WFS1: variants seen among roughly 807,000 people sequenced by gnomAD.
The protein encoded by WFS1 is wolframin.
In WFS1, 90 loss-of-function variants were observed where a neutral mutation model predicts 68.5. The ratio of observed to expected loss-of-function variants is 1.31; its 90% CI spans 1.11 to 1.56. The LOEUF is 1.56. Ranked by LOEUF, WFS1 falls within the 40% of genes most tolerant of loss-of-function variation. The probability of loss-of-function intolerance (pLI) is 0.00; values close to 1 mark genes in which losing one functional copy is unlikely to be tolerated. For missense variants in WFS1, 1,767 were observed against 1,232.6 expected (o/e 1.43, Z -6.49); for synonymous variants, 860 against 540.7 (o/e 1.59, Z -8.19).
chr4:6,302,129 C>A lies in WFS1; in HGVS notation c.2334C>A (p.Thr778=). ...KKFDRYKFEI[T]VGMPFSSGAD... ...TCGACCGCTACAAGTTTGAGATTAC[C>A]GTGGGCATGCCATTCAGCAGCGGCG... Residue 778 remains threonine, a synonymous_variant, in exon 8 of 8, where the codon ACC becomes ACA. Coordinates refer to ENST00000226760, the MANE Select transcript of WFS1 (RefSeq NM_006005.3). The A allele has an allele frequency of 6.2e-7, 1 of 1,612,970 alleles. No individual in the cohort carries two copies. Among genetic ancestry groups the A allele is most frequent in the Non-Finnish European group, 8.5e-7 (1 of 1,180,020 alleles).
At chr4:6,276,386 C>T (rs1211610267) in intron 1 of WFS1, among the ~76,000 whole-genome samples, 1 of 152,176 alleles carries the variant, frequency 6.6e-6, no homozygotes, top group Non-Finnish European at 1.5e-5. Flanking sequence ...TAAAATAAAG[C>T]CCTTGCTCCG....
At position 6,287,039 on chromosome 4, in the gene WFS1, C is replaced by G; in HGVS notation, c.233-54C>G. 6.7e-7 allele frequency: 1 copy of G among 1,497,242 alleles called. No individual in the cohort carries two copies. Among genetic ancestry groups the G allele is most frequent in the Non-Finnish European group, 9.1e-7 (1 of 1,097,478 alleles). The allele number at this position is 1,497,242 out of a possible 1,614,324, so 92.7% of individuals were successfully genotyped here. ...TCATGCCTTGTCCCCTCCATCCTGA[C>G]AAGTGACAAAGTCTGGCTTTGTGAC... is the stretch of plus-strand genomic sequence containing the variant. On this transcript the variant is annotated intron_variant, in intron 2 of 7. Coordinates refer to ENST00000226760, the MANE Select transcript of WFS1 (RefSeq NM_006005.3). The surrounding 1 kb of genome is among the most constrained non-coding windows in gnomAD (Gnocchi z 6.4).
chr4:6,279,307 C>T (rs762765801), intron 2 of WFS1, among the ~76,000 whole-genome samples: 3 of 152,216 alleles, frequency 2.0e-5, no homozygotes, highest in Non-Finnish European at 4.4e-5. Context: ...GACACTTCCC[C>T]GAGCTAGGCA....
chr4:6,287,318 G>GC lies in WFS1; in HGVS notation c.315+147dup. The GC allele has an allele frequency of 1.3e-6, 1 of 740,742 alleles. No individual in the cohort carries two copies. Among genetic ancestry groups the GC allele is most frequent in the Non-Finnish European group, 2.4e-6 (1 of 425,150 alleles). The allele number at this position is 740,742 out of a possible 1,614,324, so 45.9% of individuals were successfully genotyped here. ...GCGTGGTGCACCCTACCCCACTTGA[G>GC]CCCCATGTTGGTAGGGTGCCCATGT... On this transcript the variant is annotated intron_variant, in intron 3 of 7. Coordinates refer to ENST00000226760, the MANE Select transcript of WFS1 (RefSeq NM_006005.3). The surrounding 1 kb of genome is among the most constrained non-coding windows in gnomAD (Gnocchi z 6.4).
chr4:6,298,558 G>A (rs764631100), intron 7 of WFS1, among the ~76,000 whole-genome samples: 1 of 152,252 alleles, frequency 6.6e-6, no homozygotes, highest in Non-Finnish European at 1.5e-5. Flanking sequence ...TCCCCCACGT[G>A]TAGACGTGCA....
chr4:6,290,826 A>G (rs891836075), intron 4 of WFS1, among the ~76,000 whole-genome samples: 2 of 152,172 alleles, frequency 1.3e-5, no homozygotes, highest in Non-Finnish European at 2.9e-5. Context: ...CAGTGAGTCC[A>G]CCCTGGGTTC....
chr4:6,282,550 C>T (rs546672142), intron 2 of WFS1, among the ~76,000 whole-genome samples: 1 of 152,318 alleles, frequency 6.6e-6, no homozygotes, highest in Non-Finnish European at 1.5e-5. Context: ...TGCCTAAGAT[C>T]GCACTCTTAA....
Position 6,301,076 on chromosome 4 carries a change from C to G in WFS1, c.1281C>G (p.Ile427Met), listed in dbSNP as rs753055225. 1 of 1,614,146 alleles carries G rather than the reference C, an allele frequency of 6.2e-7. No homozygotes were observed. Among genetic ancestry groups the G allele is most frequent in the East Asian group, 2.2e-5 (1 of 44,876 alleles). ...TCCCCATCGCCAGCAAGGACTGCAT[C>G]CCCTGCTCGGAGCTGGCTGTCATCA... ...FSFPIASKDC[I>M]PCSELAVITG... The change falls in exon 8 of 8, where the codon ATC becomes ATG. Residue 427 changes from isoleucine to methionine, a missense_variant. Physicochemically the swap from Ile to Met is conservative, Grantham distance 10. Coordinates refer to ENST00000226760, the MANE Select transcript of WFS1 (RefSeq NM_006005.3).
chr4:6,302,128 C>T lies in WFS1; in HGVS notation c.2333C>T (p.Thr778Ile), dbSNP rs761699648. Reference sequence around the variant, plus strand: ...TTCGACCGCTACAAGTTTGAGATTACCGTGGGCATGCCATTCAGCAGCGGC... The same window carrying T: ...TTCGACCGCTACAAGTTTGAGATTATCGTGGGCATGCCATTCAGCAGCGGC... ...KKFDRYKFEITVGMPFSSGAD... is the reference protein window; with the variant it reads ...KKFDRYKFEIIVGMPFSSGAD... The change falls in exon 8 of 8, where the codon ACC becomes ATC. Residue 778 changes from threonine to isoleucine, a missense_variant. Transcript: ENST00000226760. 4.3e-6 allele frequency: 7 copies of T among 1,612,990 alleles called. No individual in the cohort carries two copies. The South Asian group carries it at 4.4e-5, about 10-fold the overall frequency.
chr4:6,302,922 T>C lies in WFS1; in HGVS notation c.*454T>C, dbSNP rs923663506. On this transcript the variant is annotated 3_prime_UTR_variant, in exon 8 of 8. Coordinates refer to ENST00000226760, the MANE Select transcript of WFS1 (RefSeq NM_006005.3). ...TATTTGTTTGGTCACTGCTACACCT[T>C]AGCAGCTCTTCCCCTTTCCTGGGGG... is the stretch of plus-strand genomic sequence containing the variant. 2 of 191,586 alleles carry C rather than the reference T, an allele frequency of 1.0e-5. No individual in the cohort carries two copies. The highest frequency in any genetic ancestry group is 5.3e-5 in the Admixed American group (1 of 18,754). 11.9% of individuals were successfully genotyped at this position (191,586 alleles called of 1,614,324 possible).
At chr4:6,294,644 T>C (rs1730573028) in intron 6 of WFS1, 5 of 329,202 alleles carry the variant, frequency 1.5e-5, no homozygotes, top group South Asian at 1.3e-4. Context: ...TTGTCACCCG[T>C]GCTGTGAGAA....
chr4:6,299,060 A>G (rs1226913177), intron 7 of WFS1, among the ~76,000 whole-genome samples: 2 of 152,214 alleles, frequency 1.3e-5, no homozygotes, highest in African/African-American at 4.8e-5. Flanking sequence ...CTGAAGATGC[A>G]CAGAACCTGC....
chr4:6,302,244 C>T lies in WFS1; in HGVS notation c.2449C>T (p.Leu817=), dbSNP rs768984174. Residue 817 remains leucine, a synonymous_variant, in exon 8 of 8, where the codon CTG becomes TTG. Coordinates refer to ENST00000226760, the MANE Select transcript of WFS1 (RefSeq NM_006005.3). The stretch of plus-strand genomic sequence containing the variant: ...CGAGTTCAAGAGCGTGCTGCTCAGC[C>T]TGCGCCAGGGCAGCCTCATCGAGTT... ...SSEFKSVLLS[L]RQGSLIEFST... 3.1e-6 allele frequency: 5 copies of T among 1,605,938 alleles called. No individual in the cohort carries two copies. Among genetic ancestry groups the T allele is most frequent in the African/African-American group, 2.7e-5 (2 of 74,818 alleles).
Position 6,301,284 on chromosome 4 carries a change from G to T in WFS1, c.1489G>T (p.Val497Phe). 1 of 1,611,448 alleles carries T rather than the reference G, an allele frequency of 6.2e-7. No individual in the cohort carries two copies. ...TFITVPVGHL[V>F]VLNVSVPCLL... is the part of the protein sequence containing the mutation. The stretch of plus-strand genomic sequence containing the variant: ...CATCACCGTGCCTGTCGGCCACCTG[G>T]TCGTCCTCAACGTCAGCGTCCCGTG... The change falls in exon 8 of 8, where the codon GTC (valine) becomes TTC (phenylalanine). Residue 497 changes from valine (V) to phenylalanine (F), a missense_variant. Transcript: ENST00000226760.
intron 6 of WFS1, 27 bp downstream of exon 6, chr4:6,292,024 C>A: frequency 1.3e-6 from 2 of 1,577,554 alleles, no homozygotes; most frequent in South Asian, 1.2e-5. Context: ...CCCCGTCTCA[C>A]CCATGCCTCC....
chr4:6,276,034 A>T (rs1201104974), intron 1 of WFS1, among the ~76,000 whole-genome samples: 1 of 152,200 alleles, frequency 6.6e-6, no homozygotes, highest in South Asian at 2.1e-4. Flanking sequence ...CAGAGCCAGG[A>T]GTACAGCGCT....
At chr4:6,294,428 G>A (rs1439071062) in intron 6 of WFS1, among the ~76,000 whole-genome samples, 1 of 152,042 alleles carries the variant, frequency 6.6e-6, no homozygotes, top group Non-Finnish European at 1.5e-5. Flanking sequence ...GAATGGACGG[G>A]TTAGCAGGCA....
At chr4:6,294,698 G>T in intron 6 of WFS1, 1 of 366,390 alleles carries the variant, frequency 2.7e-6, no homozygotes. Context: ...TGCACTGGAG[G>T]TGCATGTTGT....
At chr4:6,299,367 G>A (rs903242922) in intron 7 of WFS1, among the ~76,000 whole-genome samples, 12 of 152,168 alleles carry the variant, frequency 7.9e-5, no homozygotes, top group African/African-American at 2.9e-4. Flanking sequence ...CCCACAGGTC[G>A]GGGGAAGGCA....
Sources: allele counts gnomAD v4.1 joint callset (sites outside exome capture counted in the v4.1 genomes callset), GRCh38; gene constraint gnomAD v4.1.1; non-coding constraint Gnocchi (gnomAD v3.1); transcripts MANE v1.5; gene names NCBI Gene and HGNC (gene_info 2026-07-23, HGNC 2026-07-21).